GAREM1: variants seen among roughly 807,000 people sequenced by gnomAD.
GAREM1 encodes the protein GRB2-associated and regulator of MAPK protein 1.
Under a neutral mutation model 71.3 loss-of-function variants are expected in GAREM1, and 26 were observed. The ratio of observed to expected loss-of-function variants is 0.36; its 90% CI spans 0.27 to 0.51. GAREM1 has a LOEUF of 0.51. Ranked by LOEUF, GAREM1 falls within the 20% of genes least tolerant of loss-of-function variation. The pLI is 0.95. For synonymous variants in GAREM1, 440 were observed against 433.2 expected, an observed-to-expected ratio of 1.02 and a Z score of -0.20; for missense variants, 1,026 against 1,103.1, an observed-to-expected ratio of 0.93 and a Z score of 0.99.
chr18:32,267,935 T>A lies in GAREM1; in HGVS notation c.2567A>T (p.Lys856Ile). The A allele has an allele frequency of 1.2e-6, 2 of 1,614,092 alleles. No individual in the cohort carries two copies. Among genetic ancestry groups the A allele is most frequent in the Non-Finnish European group, 1.7e-6 (2 of 1,179,984 alleles). The part of the protein sequence containing the change: ...LTEEILSEDF[K>I]LSKLQVKKIM... Reference sequence around the variant, plus strand: ...CTTCTTCACCTGCAATTTGCTCAATTTGAAATCCTCTGAGAGGATTTCTTC... The same window carrying A: ...CTTCTTCACCTGCAATTTGCTCAATATGAAATCCTCTGAGAGGATTTCTTC... Residue 856 changes from lysine to isoleucine, a missense_variant, in exon 6 of 6, where the codon AAA (lysine) becomes ATA (isoleucine). Physicochemically the swap from Lys to Ile is moderately radical, Grantham distance 102. Around this residue, in one of 3 missense-constraint regions of GAREM1, gnomAD observed 636 missense variants for 631.2 expected, o/e 1.01. Coordinates refer to ENST00000269209, the MANE Select transcript of GAREM1 (RefSeq NM_001242409.2).
rs141510183 is a variant in GAREM1 at position 32,446,249 on chromosome 18, T to TGTGTGTGTGC, written c.121+24058_121+24059insGCACACACAC. Among the ~76,000 whole-genome samples, 119 of 151,972 alleles carry TGTGTGTGTGC rather than the reference T, an allele frequency of 7.8e-4. 2 individuals are homozygous for TGTGTGTGTGC. The East Asian group carries it at 0.016, about 21-fold the overall frequency. On this transcript the variant is annotated intron_variant, in intron 1 of 5. Coordinates refer to ENST00000269209, the MANE Select transcript of GAREM1 (RefSeq NM_001242409.2). ...GTGTGTGTGTGTGTGTGTGTGTGTG[T>TGTGTGTGTGC]GTGTATAACAACAGAATTGTTCACC...
At chr18:32,299,543 A>G (rs1386152219) in intron 3 of GAREM1, among the ~76,000 whole-genome samples, 1 of 149,128 alleles carries the variant, frequency 6.7e-6, no homozygotes, top group East Asian at 1.9e-4. Flanking sequence ...AAAAGTGGCT[A>G]TATCTAAATA....
chr18:32,286,057 T>C (rs2047014114), intron 4 of GAREM1, among the ~76,000 whole-genome samples: 1 of 152,236 alleles, frequency 6.6e-6, no homozygotes. Flanking sequence ...AGAAAGCCAC[T>C]GTAATAGATA....
chr18:32,349,332 T>C (rs1334184492), intron 2 of GAREM1, among the ~76,000 whole-genome samples: 4 of 152,294 alleles, frequency 2.6e-5, no homozygotes, highest in Non-Finnish European at 5.9e-5. Flanking sequence ...CTCCCTTCAA[T>C]CATAGCCATC....
rs577171116 is a variant in GAREM1 at position 32,414,409 on chromosome 18, G to T, written c.122-21374C>A. 5.3e-5 allele frequency among the ~76,000 whole-genome samples: 8 copies of T among 151,796 alleles called. 1 individual carries two copies. Among genetic ancestry groups the T allele is most frequent in the East Asian group, 1.9e-4 (1 of 5,150 alleles). ...TATGAGTTATTTTTTTCAGACAAGG[G>T]CAATCTAATTGAAGAAGTTTACCTG... On this transcript the variant is annotated intron_variant, in intron 1 of 5. Coordinates refer to ENST00000269209, the MANE Select transcript of GAREM1 (RefSeq NM_001242409.2).
At chr18:32,376,912 G>A (rs776705421) in intron 2 of GAREM1, among the ~76,000 whole-genome samples, 41 of 152,150 alleles carry the variant, frequency 2.7e-4, no homozygotes, top group Non-Finnish European at 8.8e-5. Flanking sequence ...ACTAGCAACA[G>A]CTGCAGGACA....
At chr18:32,402,467 T>A (rs1342969448) in intron 1 of GAREM1, among the ~76,000 whole-genome samples, 1 of 152,098 alleles carries the variant, frequency 6.6e-6, no homozygotes, top group Non-Finnish European at 1.5e-5. Flanking sequence ...AAAGTGGACA[T>A]GCACAAATGG....
chr18:32,271,905 C>T (rs538947646), intron 4 of GAREM1, among the ~76,000 whole-genome samples: 1 of 152,296 alleles, frequency 6.6e-6, no homozygotes, highest in Non-Finnish European at 1.5e-5. Context: ...CAGTTTATAC[C>T]TGGCTCTGCT....
At position 32,264,508 on chromosome 18, in the gene GAREM1, A is replaced by G. The variant is rs1205603105; in HGVS notation, c.*3363T>C. ...AACATGCAGGTGGCTGTGGAATGTG[A>G]GCAGAGACTGTTTATGCATGTGTCT... is the stretch of plus-strand genomic sequence containing the variant. On this transcript the variant is annotated 3_prime_UTR_variant, in exon 6 of 6. Coordinates refer to ENST00000269209, the MANE Select transcript of GAREM1 (RefSeq NM_001242409.2). 6.6e-6 allele frequency: 1 copy of G among 152,144 alleles called. No individual in the cohort carries two copies. The highest frequency in any genetic ancestry group is 2.4e-5 in the African/African-American group (1 of 41,424). The allele number at this position is 152,144 out of a possible 1,614,324, so 9.4% of individuals were successfully genotyped here.
Position 32,267,854 on chromosome 18 carries a change from G to A in GAREM1, c.*17C>T, listed in dbSNP as rs1332491750. 1.9e-6 allele frequency: 3 copies of A among 1,596,588 alleles called. No individual in the cohort carries two copies. In the Admixed American group the frequency reaches 5.1e-5, roughly 27 times the overall value. ...GCATTGATCAGTTTTGTTCCATGCT[G>A]GCCGGGGGTTATTTGGCTATATTTT... On this transcript the variant is annotated 3_prime_UTR_variant, in exon 6 of 6. Coordinates refer to ENST00000269209, the MANE Select transcript of GAREM1 (RefSeq NM_001242409.2).
At chr18:32,293,880 T>C (rs2144485894) in intron 3 of GAREM1, among the ~76,000 whole-genome samples, 2 of 152,304 alleles carry the variant, frequency 1.3e-5, no homozygotes, top group Middle Eastern at 3.4e-3. Flanking sequence ...TAGCCAAAAC[T>C]ATTATGAAAA....
intron 2 of GAREM1, among the ~76,000 whole-genome samples, chr18:32,366,274 T>C (rs987639380): frequency 1.3e-5 from 2 of 152,140 alleles, no homozygotes; most frequent in Admixed American, 6.5e-5. Flanking sequence ...ATACTACTTA[T>C]TACCTTACAT....
At chr18:32,356,465 T>A (rs1300456788) in intron 2 of GAREM1, among the ~76,000 whole-genome samples, 3 of 152,208 alleles carry the variant, frequency 2.0e-5, no homozygotes, top group Non-Finnish European at 4.4e-5. Context: ...TATATCCCTC[T>A]CCTATTTAAT....
At chr18:32,457,226 A>AGAGTGTGT (rs1555648709) in intron 1 of GAREM1, among the ~76,000 whole-genome samples, 13 of 81,986 alleles carry the variant, frequency 1.6e-4, no homozygotes, top group African/African-American at 4.2e-4. Context: ...AGAGAGAGAG[A>AGAGTGTGT]GTGTGTGTGT....
chr18:32,465,700 C>T (rs2048992520), intron 1 of GAREM1, among the ~76,000 whole-genome samples: 1 of 152,150 alleles, frequency 6.6e-6, no homozygotes, highest in African/African-American at 2.4e-5. Flanking sequence ...ATGTTTGGGG[C>T]AAAGCTAACA....
chr18:32,436,985 T>C (rs1263075916), intron 1 of GAREM1, among the ~76,000 whole-genome samples: 1 of 152,184 alleles, frequency 6.6e-6, no homozygotes, highest in Non-Finnish European at 1.5e-5. Flanking sequence ...ATTACACATA[T>C]AAATCCCAAT....
In GAREM1 at chr18:32,470,794, T is replaced by C. The variant is rs1254983732; in HGVS notation, c.-366A>G. ...CGGCGGCCGCCCGCTCGCCTCCTCC[T>C]CCTCTTACCCCTCCTTCCCTCCGCC... is the stretch of plus-strand genomic sequence containing the variant. On this transcript the variant is annotated 5_prime_UTR_variant, in exon 1 of 6. Coordinates refer to ENST00000269209, the MANE Select transcript of GAREM1 (RefSeq NM_001242409.2). This position sits in a 1 kb window ranked among gnomAD's most constrained non-coding sequence, Gnocchi z 4.4. Among the ~76,000 whole-genome samples the C allele has an allele frequency of 6.7e-6, 1 of 149,524 alleles. No individual in the cohort carries two copies. Among genetic ancestry groups the C allele is most frequent in the East Asian group, 2.0e-4 (1 of 5,082 alleles).
intron 2 of GAREM1, among the ~76,000 whole-genome samples, chr18:32,324,473 C>T (rs186851609): frequency 1.9e-4 from 29 of 152,196 alleles, no homozygotes; most frequent in Non-Finnish European, 4.1e-4. Context: ...AAAAAAAGTG[C>T]CTTGATTATG....
intron 1 of GAREM1, among the ~76,000 whole-genome samples, chr18:32,431,568 C>G: frequency 6.6e-6 from 1 of 152,136 alleles, no homozygotes; most frequent in Non-Finnish European, 1.5e-5. Context: ...GTGGAGGTTG[C>G]AGTGAGCCGA....
Sources: gnomAD v4.1 joint callset for allele counts (sites outside exome capture counted in the v4.1 genomes callset) on GRCh38, gnomAD v4.1.1 for gene constraint, gnomAD v4.1.1 regional missense constraint, Gnocchi (gnomAD v3.1) non-coding constraint, MANE v1.5 for transcripts, NCBI Gene and HGNC (gene_info 2026-07-23, HGNC 2026-07-21) for gene names.